The following FAM13A variants were observed in gnomAD, a reference collection of about 807,000 sequenced individuals.
FAM13A encodes the protein family with sequence similarity 13 member A, also known as protein FAM13A.
A neutral mutation model predicts 129.6 loss-of-function variants in FAM13A; 76 were observed. That is an observed-to-expected ratio of 0.59 (90% CI 0.49 to 0.71). FAM13A has a LOEUF of 0.71. FAM13A is among the 30% of genes least tolerant of loss of function. FAM13A has a pLI of 0.00. For missense variants in FAM13A, 1,108 were observed against 1,249.3 expected (o/e 0.89, Z 1.70); for synonymous variants, 443 against 449.9 (o/e 0.98, Z 0.20).
chr4:88,970,606 G>A (rs887660144), intron 4 of FAM13A, among the ~76,000 whole-genome samples: 8 of 151,646 alleles, frequency 5.3e-5, no homozygotes, highest in Non-Finnish European at 1.2e-4. Context: ...TATATAGACT[G>A]ATCTTCAATT....
intron 11 of FAM13A, among the ~76,000 whole-genome samples, chr4:88,772,588 CA>C (rs1720894248): frequency 6.6e-6 from 1 of 152,124 alleles, no homozygotes; most frequent in Non-Finnish European, 1.5e-5. Context: ...CTCAACTTAC[CA>C]TGGAGGTTAT....
At chr4:88,795,286 C>T (rs1725930003) in intron 8 of FAM13A, among the ~76,000 whole-genome samples, 1 of 151,734 alleles carries the variant, frequency 6.6e-6, no homozygotes, top group Admixed American at 6.6e-5. Flanking sequence ...ATTCATGTTT[C>T]CTATTCTTTT....
intron 4 of FAM13A, among the ~76,000 whole-genome samples, chr4:88,968,244 C>T (rs146417774): frequency 3.3e-5 from 5 of 152,292 alleles, no homozygotes; most frequent in Admixed American, 1.3e-4. Context: ...TACTTGGAAA[C>T]AAAGGTCATC....
chr4:88,731,690 T>G (rs1286734911), intron 22 of FAM13A: 1 of 526,110 alleles, frequency 1.9e-6, no homozygotes, highest in Non-Finnish European at 3.3e-6. Context: ...TGTCATATTT[T>G]TCTTTGAAAG....
At position 88,748,885 on chromosome 4, in the gene FAM13A, G is replaced by C. The variant is rs537519577; in HGVS notation, c.2161+67C>G. 1.9e-5 allele frequency: 21 copies of C among 1,079,200 alleles called. 1 individual carries two copies. The highest frequency in any genetic ancestry group is 2.0e-4 in the Middle Eastern group (1 of 5,050). 66.9% of individuals were successfully genotyped at this position (1,079,200 alleles called of 1,614,324 possible). A position where few individuals can be genotyped will look rare whatever the true frequency, so the allele number is the denominator to read the frequency against. ...ATGCCTTAGCAGTGGCACTCAGTGG[G>C]AGAGGAGGTGAGAGATTCTGCACCT... On this transcript the variant is annotated intron_variant, in intron 17 of 23. Coordinates refer to ENST00000264344, the MANE Select transcript of FAM13A (RefSeq NM_014883.4).
chr4:89,049,303 C>T (rs1473875520), intron 1 of FAM13A, among the ~76,000 whole-genome samples: 1 of 151,942 alleles, frequency 6.6e-6, no homozygotes, highest in Non-Finnish European at 1.5e-5. Context: ...AGTTAATGAC[C>T]TTAATGCAGT....
intron 7 of FAM13A, among the ~76,000 whole-genome samples, chr4:88,833,334 T>C (rs1304806524): frequency 3.3e-5 from 5 of 152,116 alleles, no homozygotes; most frequent in African/African-American, 1.2e-4. Context: ...TTTACCTATA[T>C]AAACCTGCAC....
chr4:88,744,041 C>T (rs1452957785), intron 19 of FAM13A, among the ~76,000 whole-genome samples: 1 of 152,176 alleles, frequency 6.6e-6, no homozygotes, highest in African/African-American at 2.4e-5. Flanking sequence ...TCATAATAGA[C>T]AGTAAAAAGA....
intron 4 of FAM13A, 27 bp downstream of exon 4, chr4:88,990,946 A>T: frequency 1.3e-6 from 2 of 1,566,878 alleles, no homozygotes; most frequent in South Asian, 1.1e-5. Context: ...ACATGATGAT[A>T]TTAACAGTAA....
intron 1 of FAM13A, among the ~76,000 whole-genome samples, chr4:89,050,974 G>A (rs745425058): frequency 2.0e-4 from 30 of 152,154 alleles, no homozygotes; most frequent in African/African-American, 7.2e-4. Context: ...CTTGAAACTT[G>A]AACTTATGCA....
intron 5 of FAM13A, 127 bp downstream of exon 5, chr4:88,937,961 G>C (rs775162953): frequency 1.4e-5 from 9 of 648,052 alleles, no homozygotes; most frequent in Admixed American, 2.9e-5. Flanking sequence ...TCATAAGAAG[G>C]ATTCACTATA....
At chr4:88,789,102 A>G (rs1005403653) in intron 9 of FAM13A, among the ~76,000 whole-genome samples, 2 of 152,206 alleles carry the variant, frequency 1.3e-5, no homozygotes, top group Non-Finnish European at 2.9e-5. Flanking sequence ...AGGATGCCAT[A>G]AAATGCATTA....
intron 1 of FAM13A, among the ~76,000 whole-genome samples, chr4:89,030,783 AT>A (rs1560878866): frequency 6.6e-6 from 1 of 152,164 alleles, no homozygotes; most frequent in African/African-American, 2.4e-5. Context: ...AGTGCAGTTT[AT>A]GTACAATTAT....
At chr4:88,998,324 T>A (rs950774144) in intron 3 of FAM13A, among the ~76,000 whole-genome samples, 2 of 152,208 alleles carry the variant, frequency 1.3e-5, no homozygotes, top group African/African-American at 4.8e-5. Context: ...GAGAGATTGA[T>A]TAGCCTGTCC....
At position 88,737,144 on chromosome 4, in the gene FAM13A, A is replaced by G. The variant is rs545448199; in HGVS notation, c.2646+328T>C. Reference sequence around the variant, plus strand: ...AATCCATTCCCCAAATACAGAAAACAAAACCAAACAAAAAGCATTGTGGAC... The same window carrying G: ...AATCCATTCCCCAAATACAGAAAACGAAACCAAACAAAAAGCATTGTGGAC... On this transcript the variant is annotated intron_variant, in intron 21 of 23. Transcript: ENST00000264344. Among the ~76,000 whole-genome samples the G allele has an allele frequency of 2.0e-5, 3 of 152,356 alleles. No homozygotes were observed. In the East Asian group the frequency reaches 5.8e-4, roughly 29 times the overall value.
At chr4:89,041,176 G>A (rs1488454231) in intron 1 of FAM13A, among the ~76,000 whole-genome samples, 3 of 152,206 alleles carry the variant, frequency 2.0e-5, no homozygotes, top group Non-Finnish European at 4.4e-5. Context: ...ATTGATAGCA[G>A]AGTAGGATGA....
intron 10 of FAM13A, among the ~76,000 whole-genome samples, chr4:88,786,945 C>T (rs1292107842): frequency 6.6e-6 from 1 of 151,808 alleles, no homozygotes; most frequent in East Asian, 1.9e-4. Flanking sequence ...AGGTTAGTTT[C>T]TGACATTTAA....
intron 7 of FAM13A, among the ~76,000 whole-genome samples, chr4:88,827,853 A>G (rs984378721): frequency 3.3e-5 from 5 of 152,208 alleles, no homozygotes; most frequent in African/African-American, 7.2e-5. Context: ...AAAAACTTCA[A>G]TAGCTCCCAA....
At chr4:88,800,280 A>T (rs568692303) in intron 8 of FAM13A, among the ~76,000 whole-genome samples, 1 of 152,362 alleles carries the variant, frequency 6.6e-6, no homozygotes, top group Admixed American at 6.5e-5. Context: ...TGAACTGTAC[A>T]TTTAAAAATG....
Sources: allele counts gnomAD v4.1 joint callset (sites outside exome capture counted in the v4.1 genomes callset), GRCh38; gene constraint gnomAD v4.1.1; transcripts MANE v1.5; gene names NCBI Gene and HGNC (gene_info 2026-07-23, HGNC 2026-07-21).